The following PPEF1 variants were observed in gnomAD, a reference collection of about 807,000 sequenced individuals.
The protein encoded by PPEF1 is serine/threonine-protein phosphatase with EF-hands 1.
Under a neutral mutation model 53.3 loss-of-function variants are expected in PPEF1, and 12 were observed. That is an observed-to-expected ratio of 0.23 (90% CI 0.14 to 0.36). The LOEUF is 0.36. Among genes scored for constraint, PPEF1 ranks in the 10% least tolerant of loss-of-function variants. PPEF1 has a pLI of 1.00. For missense variants in PPEF1, 334 were observed against 490.4 expected (o/e 0.68, Z 3.01); for synonymous variants, 165 against 176.7 (o/e 0.93, Z 0.52).
At chrX:18,727,126 T>G in intron 1 of PPEF1, among the ~76,000 whole-genome samples, 1 of 112,029 alleles carries the variant, frequency 8.9e-6, no homozygotes, top group Non-Finnish European at 1.9e-5. Flanking sequence ...CAGACCAGGG[T>G]TCGAATCCTC....
At chrX:18,709,538 C>T (rs1265251017) in intron 1 of PPEF1, among the ~76,000 whole-genome samples, 7 of 103,084 alleles carry the variant, frequency 6.8e-5, no homozygotes, top group Non-Finnish European at 1.9e-5. Context: ...TGCTCTGTCA[C>T]CCAGGCTGGA....
At chrX:18,821,944 T>C (rs974937653) in intron 13 of PPEF1, among the ~76,000 whole-genome samples, 5 of 111,561 alleles carry the variant, frequency 4.5e-5, no homozygotes, top group Non-Finnish European at 9.4e-5. Flanking sequence ...AGGATGTGGC[T>C]ATGGTCCACT....
chrX:18,688,680 A>G (rs1422785240), intron 3 of PPEF1: 1 of 112,340 alleles, frequency 8.9e-6, no homozygotes, highest in African/African-American at 3.2e-5. Context: ...ATATCACAAC[A>G]TTCTTTTGTT....
intron 12 of PPEF1, among the ~76,000 whole-genome samples, chrX:18,814,037 C>A (rs1213807123): frequency 9.0e-6 from 1 of 110,753 alleles, no homozygotes; most frequent in Non-Finnish European, 1.9e-5. Context: ...TTTTTCCCAT[C>A]TTTATGTCCA....
chrX:18,683,256 C>G (rs1384446227), intron 1 of PPEF1, among the ~76,000 whole-genome samples: 1 of 111,591 alleles, frequency 9.0e-6, no homozygotes, highest in Non-Finnish European at 1.9e-5. Flanking sequence ...TTCTCATGTA[C>G]AGCAGGGCGC....
chrX:18,791,813 GTATT>G (rs778474409), intron 10 of PPEF1, among the ~76,000 whole-genome samples: 10 of 111,966 alleles, frequency 8.9e-5, no homozygotes, highest in Non-Finnish European at 1.9e-4. Flanking sequence ...TATTAGCTGT[GTATT>G]TGTTTGTAGT....
intron 6 of PPEF1, among the ~76,000 whole-genome samples, chrX:18,777,348 G>A (rs947635347): frequency 2.7e-5 from 3 of 112,130 alleles, no homozygotes; most frequent in Non-Finnish European, 3.8e-5. Flanking sequence ...AATTTAAAAT[G>A]TATATACATA....
At chrX:18,818,616 G>A (rs1461844881) in intron 13 of PPEF1, among the ~76,000 whole-genome samples, 5 of 111,436 alleles carry the variant, frequency 4.5e-5, no homozygotes, top group Non-Finnish European at 7.5e-5. Flanking sequence ...TGATCCGTCC[G>A]CCTTGGCCTT....
At chrX:18,792,797 C>T (rs768286877) in intron 10 of PPEF1, among the ~76,000 whole-genome samples, 1 of 111,879 alleles carries the variant, frequency 8.9e-6, no homozygotes, top group Non-Finnish European at 1.9e-5. Flanking sequence ...GTACACTCCA[C>T]AGTGTGGGAG....
At chrX:18,678,986 A>G (rs1288534003), upstream of PPEF1, among the ~76,000 whole-genome samples, 1 of 111,043 alleles carries the variant, frequency 9.0e-6, no homozygotes, top group African/African-American at 3.3e-5. Flanking sequence ...TACATGTTCA[A>G]CATCTCCATT....
chrX:18,819,563 A>G, intron 13 of PPEF1, among the ~76,000 whole-genome samples: 1 of 111,108 alleles, frequency 9.0e-6, no homozygotes. Context: ...CCATGGTGGC[A>G]GGCACCTGTA....
In PPEF1 at chrX:18,818,095, G is replaced by A. The variant is rs753315042; in HGVS notation, c.1451G>A (p.Arg484Gln). 1.1e-5 allele frequency: 13 copies of A among 1,204,192 alleles called. No individual in the cohort carries two copies. The East Asian group carries it at 1.8e-4, about 17-fold the overall frequency. Residue 484 changes from arginine to glutamine, a missense_variant, in exon 13 of 16, where the codon CGA (arginine) becomes CAA (glutamine). Arg to Gln is a conservative substitution (Grantham distance 43). Transcript: ENST00000470157. ...ATATTAAGAGAGAGAGTGATTTCAC[G>A]AAAAAGTGACCTTACTCGTGCTTTC... ...IKILRERVIS[R>Q]KSDLTRAFQL...
chrX:18,752,778 G>A (rs1427756472), intron 4 of PPEF1, among the ~76,000 whole-genome samples: 1 of 103,909 alleles, frequency 9.6e-6, no homozygotes, highest in African/African-American at 3.5e-5. Context: ...TTTACCCTTC[G>A]TTCTATTAAT....
intron 6 of PPEF1, among the ~76,000 whole-genome samples, chrX:18,776,119 C>T (rs1405161454): frequency 8.9e-6 from 1 of 112,537 alleles, no homozygotes; most frequent in African/African-American, 3.2e-5. Context: ...CAACAGTCCT[C>T]AGGTTCCTCT....
chrX:18,724,749 C>T (rs910943746), intron 1 of PPEF1, among the ~76,000 whole-genome samples: 1 of 111,278 alleles, frequency 9.0e-6, no homozygotes, highest in African/African-American at 3.3e-5. Flanking sequence ...AACTGGATGA[C>T]GCAGATCTTC....
chrX:18,677,607 C>T (rs1377279500), intron 1 of PPEF1, among the ~76,000 whole-genome samples: 3 of 111,203 alleles, frequency 2.7e-5, no homozygotes, highest in Non-Finnish European at 5.7e-5. Context: ...ACCTCCTGTA[C>T]CCCCAACCCT....
At chrX:18,688,526 G>A (rs1929192637) in intron 3 of PPEF1, 1 of 112,689 alleles carries the variant, frequency 8.9e-6, no homozygotes, top group Non-Finnish European at 1.9e-5. Context: ...ACTTGTCACT[G>A]AGTAAGAATT....
chrX:18,795,152 G>A (rs1458634735), intron 10 of PPEF1, among the ~76,000 whole-genome samples: 1 of 110,662 alleles, frequency 9.0e-6, no homozygotes, highest in African/African-American at 3.3e-5. Context: ...TCTATAAAAA[G>A]TACAAAAATT....
At chrX:18,798,756 T>C (rs192854726) in intron 10 of PPEF1, among the ~76,000 whole-genome samples, 4,729 of 110,794 alleles carry the variant, frequency 0.043, 250 homozygotes, top group African/African-American at 0.15. Flanking sequence ...CCAAAGTAGC[T>C]GGGATTACAG....
Sources: allele counts gnomAD v4.1 joint callset (sites outside exome capture counted in the v4.1 genomes callset), GRCh38; gene constraint gnomAD v4.1.1; transcripts MANE v1.5; gene names NCBI Gene and HGNC (gene_info 2026-07-23, HGNC 2026-07-21).